Variants in TRMT61B observed in about 807,000 individuals in gnomAD.
TRMT61B encodes tRNA methyltransferase 61B.
Under a neutral mutation model 52.0 loss-of-function variants are expected in TRMT61B, and 56 were observed. That is an observed-to-expected ratio of 1.08 (90% CI 0.87 to 1.35). TRMT61B has a LOEUF of 1.35. Among genes scored for constraint, TRMT61B ranks in the 40% most tolerant of loss-of-function variants. TRMT61B has a pLI of 0.00. For synonymous variants in TRMT61B, 206 were observed against 220.0 expected (o/e 0.94, Z 0.56); for missense variants, 650 against 577.9 (o/e 1.12, Z -1.28).
chr2:28,861,336 A>C, intron 2 of TRMT61B, 28 bp from the exon 3 acceptor site: 1 of 1,515,128 alleles, frequency 6.6e-7, no homozygotes, highest in Non-Finnish European at 8.9e-7. Flanking sequence ...TTGATATTTC[A>C]TAATATTAAT....
rs576000462 is a variant in TRMT61B, at chr2:28,854,434, C to T, written c.994-1935G>A. Among the ~76,000 whole-genome samples the T allele has an allele frequency of 4.6e-5, 7 of 151,752 alleles. No homozygotes were observed. In the East Asian group the frequency reaches 9.7e-4, roughly 21 times the overall value. On this transcript the variant is annotated intron_variant, in intron 3 of 6. Coordinates refer to ENST00000306108, the MANE Select transcript of TRMT61B (RefSeq NM_017910.4). ...CAGCATGGGCAACACAGTGAGACCC[C>T]GCATTTATAAAAATAAAAAAAATGG... is the stretch of plus-strand genomic sequence containing the variant.
intron 4 of TRMT61B, 111 bp from the exon 5 acceptor site, chr2:28,851,409 G>A: frequency 1.3e-6 from 1 of 744,706 alleles, no homozygotes; most frequent in Non-Finnish European, 2.0e-6. Flanking sequence ...ATTAAGGCAG[G>A]AGAGGGTTTA....
chr2:28,860,203 C>T (rs924600951), intron 3 of TRMT61B, among the ~76,000 whole-genome samples: 158 of 123,076 alleles, frequency 1.3e-3, no homozygotes, highest in African/African-American at 4.4e-3. Flanking sequence ...ACCCGGCAGG[C>T]GGAGGTTGCA....
rs531146839 is a variant in TRMT61B at position 28,864,993 on chromosome 2, A to G, written c.802+24T>C. 8 of 1,371,184 alleles carry G rather than the reference A, an allele frequency of 5.8e-6. No homozygotes were observed. The East Asian group carries it at 1.6e-4, about 27-fold the overall frequency. 84.9% of individuals were successfully genotyped at this position (1,371,184 alleles called of 1,614,324 possible). A position where few individuals can be genotyped will look rare whatever the true frequency, so the allele number is the denominator to read the frequency against. On this transcript the variant is annotated intron_variant, in intron 2 of 6. Coordinates refer to ENST00000306108, the MANE Select transcript of TRMT61B (RefSeq NM_017910.4). ...ATTGAATGTTTTCTTTGTTACTGAG[A>G]TCCAGCTCAGTCCAATCTCTTACCT...
Position 28,851,114 on chromosome 2 carries a change from T to C in TRMT61B, c.1270A>G (p.Lys424Glu). 1 of 1,611,484 alleles carries C rather than the reference T, an allele frequency of 6.2e-7. No homozygotes were observed. Among genetic ancestry groups the C allele is most frequent in the Non-Finnish European group, 8.5e-7 (1 of 1,179,140 alleles). Residue 424 changes from lysine (K) to glutamate (E), a missense_variant, in exon 5 of 7, where the codon AAA (lysine) becomes GAA (glutamate). Coordinates refer to ENST00000306108, the MANE Select transcript of TRMT61B (RefSeq NM_017910.4). ...AACAGCTCACCTTTAACTCCAATTT[T>C]CTCTTGAGAATCTAGTTGTACATCT... is the stretch of plus-strand genomic sequence containing the variant. ...NTDVQLDSQE[K>E]IGVKGELFQE...
chr2:28,863,296 T>C (rs1434192355), intron 2 of TRMT61B, among the ~76,000 whole-genome samples: 1 of 151,812 alleles, frequency 6.6e-6, no homozygotes, highest in African/African-American at 2.4e-5. Flanking sequence ...CCAGCTTTGG[T>C]GGTATGTGCC....
In TRMT61B at chr2:28,850,414, A is replaced by G; in HGVS notation, c.1313-9T>C. ...ATCAGAATGCGATTCTTCTGTTGTA[A>G]AAAAATATATGTACTATAAGCTACA... On this transcript the variant is annotated splice_polypyrimidine_tract_variant and intron_variant, in intron 5 of 6. Transcript: ENST00000306108. The G allele has an allele frequency of 1.3e-6, 2 of 1,572,252 alleles. No individual in the cohort carries two copies. Among genetic ancestry groups the G allele is most frequent in the Middle Eastern group, 1.8e-4 (1 of 5,458 alleles).
intron 2 of TRMT61B, 23 bp from the exon 3 acceptor site, chr2:28,861,331 A>G: frequency 6.6e-7 from 1 of 1,521,624 alleles, no homozygotes; most frequent in Non-Finnish European, 8.8e-7. Flanking sequence ...ATAATTTGAT[A>G]TTTCATAATA....
chr2:28,865,934 G>C (rs1669824175), intron 1 of TRMT61B, among the ~76,000 whole-genome samples: 2 of 151,654 alleles, frequency 1.3e-5, no homozygotes, highest in Non-Finnish European at 2.9e-5. Flanking sequence ...GCTCGCCTCA[G>C]CCTCCCACAG....
At chr2:28,852,094 C>A (rs562763191) in intron 4 of TRMT61B, among the ~76,000 whole-genome samples, 1 of 150,076 alleles carries the variant, frequency 6.7e-6, no homozygotes, top group East Asian at 2.0e-4. Context: ...AGCAGATCAC[C>A]TGAAGTCAGG....
At chr2:28,868,890 G>C (rs1250364669) in intron 1 of TRMT61B, among the ~76,000 whole-genome samples, 2 of 152,136 alleles carry the variant, frequency 1.3e-5, no homozygotes, top group Non-Finnish European at 2.9e-5. Context: ...TGTAGTCCCA[G>C]GTACTCAGGA....
In TRMT61B at chr2:28,870,118, GCT is replaced by G; in HGVS notation, c.158_159del (p.Glu53AlafsTer107). 2.5e-6 allele frequency: 4 copies of G among 1,614,026 alleles called. No individual in the cohort carries two copies. The highest frequency in any genetic ancestry group is 1.1e-5 in the South Asian group (1 of 91,084). On this transcript the variant is annotated frameshift_variant, in exon 1 of 7. Transcript: ENST00000306108. LOFTEE classifies it high-confidence loss of function. ...SPRDLRDGER[E>X]HEAAQRKAPG... ...GGGGCTTTCCTTTGTGCCGCCTCGT[GCT>G]CTCTTTCTCCATCTCGCAGGTCTCT...
chr2:28,861,147 C>T lies in TRMT61B; in HGVS notation c.964G>A (p.Glu322Lys), dbSNP rs368594449. The T allele has an allele frequency of 1.4e-4, 231 of 1,606,368 alleles. No individual in the cohort carries two copies. The highest frequency in any genetic ancestry group is 1.8e-4 in the Non-Finnish European group (210 of 1,177,900). The change falls in exon 3 of 7, where the codon GAA becomes AAA. Residue 322 changes from glutamate (E) to lysine (K), a missense_variant. By Grantham distance (56) the Glu-to-Lys change is moderately conservative. Coordinates refer to ENST00000306108, the MANE Select transcript of TRMT61B (RefSeq NM_017910.4). ...TCAAATGTTAAAGATTTTATGTCTT[C>T]GGTTGCTCCTGAAATGTCCTTATGA... is the stretch of plus-strand genomic sequence containing the variant. ...FIHKDISGAT[E>K]DIKSLTFDAV...
intron 1 of TRMT61B, among the ~76,000 whole-genome samples, 178 bp from the exon 2 acceptor site, chr2:28,865,297 CAAAT>C (rs982433871): frequency 1.3e-5 from 2 of 152,118 alleles, no homozygotes; most frequent in Admixed American, 6.5e-5. Context: ...AATCAATTAA[CAAAT>C]AAGGCAACAC....
intron 1 of TRMT61B, among the ~76,000 whole-genome samples, chr2:28,868,866 T>C (rs1669959937): frequency 1.3e-5 from 2 of 151,698 alleles, no homozygotes. Context: ...TAGCCCGGGG[T>C]GGTGGTGCAT....
At chr2:28,867,665 T>C (rs1669905911) in intron 1 of TRMT61B, among the ~76,000 whole-genome samples, 1 of 152,168 alleles carries the variant, frequency 6.6e-6, no homozygotes, top group Non-Finnish European at 1.5e-5. Flanking sequence ...TATAACTTCA[T>C]GAAATGTAAC....
At chr2:28,863,743 G>A (rs1669709162) in intron 2 of TRMT61B, among the ~76,000 whole-genome samples, 1 of 152,130 alleles carries the variant, frequency 6.6e-6, no homozygotes, top group Non-Finnish European at 1.5e-5. Flanking sequence ...GAATTTACCG[G>A]CTTAGTATAA....
intron 2 of TRMT61B, among the ~76,000 whole-genome samples, chr2:28,862,217 A>G (rs2148140813): frequency 6.6e-6 from 1 of 151,064 alleles, no homozygotes; most frequent in South Asian, 2.1e-4. Context: ...AAAAAAAAAA[A>G]AAAAAAAAAA....
chr2:28,864,249 G>A (rs79637952), intron 2 of TRMT61B, among the ~76,000 whole-genome samples: 3,773 of 152,080 alleles, frequency 0.025, 63 homozygotes, highest in Non-Finnish European at 0.038. Flanking sequence ...AGCTGACAAC[G>A]TCCTTCCATA....
Sources: gnomAD v4.1 joint callset for allele counts (sites outside exome capture counted in the v4.1 genomes callset) on GRCh38, gnomAD v4.1.1 for gene constraint, MANE v1.5 for transcripts, NCBI Gene and HGNC (gene_info 2026-07-23, HGNC 2026-07-21) for gene names.